The following FARP1 variants were observed in gnomAD, a reference collection of about 807,000 sequenced individuals.
FARP1 encodes the protein FERM, ARH/RhoGEF and pleckstrin domain protein 1, also known as FERM, ARHGEF and pleckstrin domain-containing protein 1.
Under a neutral mutation model 128.8 loss-of-function variants are expected in FARP1, and 52 were observed. The ratio of observed to expected loss-of-function variants is 0.40; its 90% CI spans 0.32 to 0.51. The LOEUF (loss-of-function observed/expected upper bound fraction) is 0.51, where lower values mean the gene tolerates loss of function less well. Ranked by LOEUF, FARP1 falls within the 20% of genes least tolerant of loss-of-function variation. The pLI, the probability that FARP1 is intolerant of heterozygous loss-of-function variation, is 0.45. For missense variants in FARP1, 1,333 were observed against 1,367.9 expected, an observed-to-expected ratio of 0.97 and a Z score of 0.40; for synonymous variants, 580 against 551.8, an observed-to-expected ratio of 1.05 and a Z score of -0.72.
chr13:98,207,324 T>C (rs1440357792), intron 1 of FARP1, among the ~76,000 whole-genome samples: 2 of 152,184 alleles, frequency 1.3e-5, no homozygotes, highest in Non-Finnish European at 2.9e-5. Context: ...TGTTAATGAC[T>C]AACTCAATTA....
At chr13:98,167,286 G>A (rs1424590743) in intron 1 of FARP1, among the ~76,000 whole-genome samples, 3 of 151,644 alleles carry the variant, frequency 2.0e-5, no homozygotes, top group African/African-American at 7.3e-5. Flanking sequence ...TTTATAATAT[G>A]TAATTCAAGT....
chr13:98,164,646 A>G (rs1392628187), intron 1 of FARP1, among the ~76,000 whole-genome samples: 5 of 152,184 alleles, frequency 3.3e-5, no homozygotes, highest in Non-Finnish European at 7.3e-5. Flanking sequence ...GATATTCTTA[A>G]TTGTTTTAGG....
At chr13:98,161,406 G>A (rs760619726) in intron 1 of FARP1, among the ~76,000 whole-genome samples, 7 of 151,300 alleles carry the variant, frequency 4.6e-5, no homozygotes, top group Non-Finnish European at 8.8e-5. Context: ...TAGTAGAGAC[G>A]GGGTTTCACC....
intron 1 of FARP1, among the ~76,000 whole-genome samples, chr13:98,164,361 A>AAGGACATTTTAGTTCTAGTCTGAAACT (rs1246260124): frequency 6.6e-6 from 1 of 152,198 alleles, no homozygotes; most frequent in South Asian, 2.1e-4. Flanking sequence ...GAATGTGGGA[A>AAGGACATTTTAGTTCTAGTCTGAAACT]AGGACATTTT....
intron 8 of FARP1, among the ~76,000 whole-genome samples, chr13:98,386,244 G>A (rs375023530): frequency 6.3e-5 from 9 of 143,534 alleles, no homozygotes; most frequent in South Asian, 2.2e-4. Flanking sequence ...TTATTTGGTC[G>A]GGACTTCAGA....
rs1487628605 is a variant in FARP1, at chr13:98,305,116, ATAT to A, written c.172-38644_172-38642del. 2.6e-3 allele frequency among the ~76,000 whole-genome samples: 64 copies of A among 24,478 alleles called. 1 individual carries two copies. In the South Asian group the frequency reaches 0.1, roughly 39 times the overall value. The allele number at this position is 24,478 out of a possible 152,430, so 16.1% of individuals were successfully genotyped here. On this transcript the variant is annotated intron_variant, in intron 2 of 26. Transcript: ENST00000319562. ...AATATTTAAATGTGTATATATATAT[ATAT>A]TTTTTAATTTATTTATTTTTTATTT...
chr13:98,347,556 A>G (rs1027337160), intron 3 of FARP1, among the ~76,000 whole-genome samples: 2 of 151,496 alleles, frequency 1.3e-5, no homozygotes, highest in African/African-American at 2.4e-5. Context: ...GTGCAGTGGC[A>G]TACAACAAGC....
At chr13:98,425,146 A>C (rs1350035901) in intron 17 of FARP1, among the ~76,000 whole-genome samples, 1 of 151,914 alleles carries the variant, frequency 6.6e-6, no homozygotes, top group Non-Finnish European at 1.5e-5. Context: ...TTTTTGTTTC[A>C]AAAGTTTTGC....
At chr13:98,416,007 A>G (rs1023541992) in intron 16 of FARP1, among the ~76,000 whole-genome samples, 1 of 152,258 alleles carries the variant, frequency 6.6e-6, no homozygotes, top group Admixed American at 6.5e-5. Context: ...GGCTTAGTAT[A>G]CTGCGCTGCG....
In FARP1 at chr13:98,351,725, A is replaced by C. The variant is rs369817781; in HGVS notation, c.276+7859A>C. 7.6e-4 allele frequency among the ~76,000 whole-genome samples: 115 copies of C among 152,260 alleles called. 1 individual carries two copies. Among genetic ancestry groups the C allele is most frequent in the African/African-American group, 2.7e-3 (112 of 41,558 alleles). ...AGTTTTTACTCATGGCAGAAGGTGA[A>C]GTAGGAACAGGCGTGTCATGCTGCA... is the stretch of plus-strand genomic sequence containing the variant. On this transcript the variant is annotated intron_variant, in intron 3 of 26. Transcript: ENST00000319562.
intron 2 of FARP1, among the ~76,000 whole-genome samples, chr13:98,246,155 C>T (rs1325045975): frequency 2.5e-5 from 3 of 118,918 alleles, no homozygotes; most frequent in Non-Finnish European, 3.2e-5. Flanking sequence ...AGTGCAGTGG[C>T]GCAATCTCGG....
intron 1 of FARP1, among the ~76,000 whole-genome samples, chr13:98,210,784 C>T (rs61968653): frequency 1.6e-4 from 24 of 152,278 alleles, no homozygotes; most frequent in Middle Eastern, 3.4e-3. Context: ...CTCCTGACCT[C>T]GTGATCTGCC....
intron 2 of FARP1, among the ~76,000 whole-genome samples, chr13:98,270,440 G>C (rs1035678091): frequency 3.3e-5 from 5 of 152,144 alleles, no homozygotes; most frequent in Non-Finnish European, 4.4e-5. Context: ...ATGTGGACAT[G>C]GGCATTGTAG....
chr13:98,310,283 GT>G (rs1351544646), intron 2 of FARP1, among the ~76,000 whole-genome samples: 2 of 152,030 alleles, frequency 1.3e-5, no homozygotes, highest in African/African-American at 4.8e-5. Context: ...GGTTCCTTTG[GT>G]GGAGTTTCCT....
chr13:98,221,269 G>C (rs933276633), intron 2 of FARP1, among the ~76,000 whole-genome samples: 1 of 152,164 alleles, frequency 6.6e-6, no homozygotes, highest in Admixed American at 6.5e-5. Flanking sequence ...GTTCTTTCAC[G>C]GAATTGAGGC....
In FARP1 at chr13:98,217,441, C is replaced by G. The variant is rs1881139325; in HGVS notation, c.171+4028C>G. The stretch of plus-strand genomic sequence containing the variant: ...CAGGAGTTAGTTGCTGCAGAGGGAA[C>G]TCGGCGTCTACGACCGTCGTCGCAG... On this transcript the variant is annotated intron_variant, in intron 2 of 26. Transcript: ENST00000319562. Among the ~76,000 whole-genome samples, 4 of 152,324 alleles carry G rather than the reference C, an allele frequency of 2.6e-5. No homozygotes were observed. The South Asian group carries it at 8.3e-4, about 32-fold the overall frequency.
intron 1 of FARP1, among the ~76,000 whole-genome samples, chr13:98,151,911 C>T (rs1876039870): frequency 6.6e-6 from 1 of 151,956 alleles, no homozygotes; most frequent in African/African-American, 2.4e-5. Flanking sequence ...ATCTGTCCAC[C>T]TCGGCCTCCC....
At chr13:98,291,459 G>A (rs142087769) in intron 2 of FARP1, among the ~76,000 whole-genome samples, 3 of 152,278 alleles carry the variant, frequency 2.0e-5, no homozygotes, top group Non-Finnish European at 4.4e-5. Context: ...GAGGCCAAAT[G>A]TATTTGGGTC....
chr13:98,327,203 C>T (rs1276870956), intron 2 of FARP1, among the ~76,000 whole-genome samples: 2 of 152,058 alleles, frequency 1.3e-5, no homozygotes, highest in Non-Finnish European at 2.9e-5. Context: ...TTTCAGAAAC[C>T]TCTCTCTGTT....
Sources: gnomAD v4.1 joint callset for allele counts (sites outside exome capture counted in the v4.1 genomes callset) on GRCh38, gnomAD v4.1.1 for gene constraint, MANE v1.5 for transcripts, NCBI Gene and HGNC (gene_info 2026-07-23, HGNC 2026-07-21) for gene names.